The following PARD3B variants were observed in gnomAD, a reference collection of about 807,000 sequenced individuals.
PARD3B encodes the protein par-3 family cell polarity regulator beta.
PARD3B carries 103 observed loss-of-function variants against 130.2 expected under a neutral mutation model. That is an observed-to-expected ratio of 0.79 (90% CI 0.67 to 0.93). PARD3B has a LOEUF of 0.93. PARD3B is among the 40% of genes least tolerant of loss of function. PARD3B has a pLI of 0.00. For synonymous variants in PARD3B, 583 were observed against 553.2 expected, an observed-to-expected ratio of 1.05 and a Z score of -0.76; for missense variants, 1,609 against 1,499.2, an observed-to-expected ratio of 1.07 and a Z score of -1.21.
At chr2:205,380,246 ATATATAATATATAAAGAATATATAT>A (rs1299565134) in intron 18 of PARD3B, among the ~76,000 whole-genome samples, 987 of 47,484 alleles carry the variant, frequency 0.021, 150 homozygotes, top group African/African-American at 0.082. Context: ...AATATATATT[ATATATAATATATAAAGAATATATAT>A]TATATAATAT....
rs1156473277 is a variant in PARD3B at position 204,883,923 on chromosome 2, G to A, written c.223-81229G>A. ...CAGCTAATTTTTTGTGTTTTTAGTA[G>A]AGACGGGGTTTTACTATCTTGGTCA... On this transcript the variant is annotated intron_variant, in intron 2 of 22. Transcript: ENST00000406610. 2.6e-5 allele frequency among the ~76,000 whole-genome samples: 4 copies of A among 151,510 alleles called. No homozygotes were observed. In the East Asian group the frequency reaches 5.9e-4, roughly 22 times the overall value.
intron 2 of PARD3B, among the ~76,000 whole-genome samples, chr2:204,798,955 G>A (rs2042469725): frequency 6.6e-6 from 1 of 151,870 alleles, no homozygotes; most frequent in South Asian, 2.1e-4. Flanking sequence ...GCGCATTCCC[G>A]CCTTTCTTGG....
In PARD3B at chr2:204,869,280, A is replaced by G. The variant is rs559681044; in HGVS notation, c.223-95872A>G. Among the ~76,000 whole-genome samples, 211 of 152,248 alleles carry G rather than the reference A, an allele frequency of 1.4e-3. 1 individual carries two copies. The highest frequency in any genetic ancestry group is 3.4e-3 in the Middle Eastern group (1 of 294). The stretch of plus-strand genomic sequence containing the variant: ...TTGAAGAACATGTTAAAAGATTCAC[A>G]TTTAGAAATTCTGGAGTGGGGCCCA... On this transcript the variant is annotated intron_variant, in intron 2 of 22. Coordinates refer to ENST00000406610, the MANE Select transcript of PARD3B (RefSeq NM_001302769.2).
intron 21 of PARD3B, among the ~76,000 whole-genome samples, chr2:205,543,403 G>A (rs924492712): frequency 1.3e-5 from 2 of 152,166 alleles, no homozygotes; most frequent in Admixed American, 6.5e-5. Flanking sequence ...ATATGGCTAA[G>A]AAGACCACAA....
At chr2:205,529,999 A>G (rs755999141) in intron 21 of PARD3B, among the ~76,000 whole-genome samples, 6 of 152,282 alleles carry the variant, frequency 3.9e-5, no homozygotes, top group Non-Finnish European at 7.4e-5. Flanking sequence ...GAGAAACTAT[A>G]CCAACTGCCA....
rs1160280166 is a variant in PARD3B, at chr2:205,568,231, CATATG to C, written c.3260+14830_3260+14834del. Among the ~76,000 whole-genome samples, 1 of 152,180 alleles carries C rather than the reference CATATG, an allele frequency of 6.6e-6. No individual in the cohort carries two copies. Among genetic ancestry groups the C allele is most frequent in the South Asian group, 2.1e-4 (1 of 4,832 alleles). The stretch of plus-strand genomic sequence containing the variant: ...TGTGGTTGCCTTTCGTGAGAGAAAA[CATATG>C]AGATTAGTAAGATGCCCCAGACAAT... On this transcript the variant is annotated intron_variant, in intron 22 of 22. Transcript: ENST00000406610. The surrounding 1 kb of genome is among the most constrained non-coding windows in gnomAD (Gnocchi z 5.3).
In PARD3B at chr2:205,615,519, G is replaced by A. The variant is rs778555076; in HGVS notation, c.3324G>A (p.Arg1108=). 28 of 1,613,834 alleles carry A rather than the reference G, an allele frequency of 1.7e-5. 1 individual carries two copies. The South Asian group carries it at 2.7e-4, about 16-fold the overall frequency. ...PAAPRGLYKE[R]ELPYYPGAHP... ...CACCTCGGGGGCTCTACAAGGAAAG[G>A]GAGCTTCCCTATTATCCAGGGGCTC... The change falls in exon 23 of 23, where the codon AGG becomes AGA. Residue 1108 remains arginine, a synonymous_variant. Coordinates refer to ENST00000406610, the MANE Select transcript of PARD3B (RefSeq NM_001302769.2).
intron 2 of PARD3B, among the ~76,000 whole-genome samples, chr2:204,713,739 C>A (rs184366967): frequency 6.6e-6 from 1 of 151,994 alleles, no homozygotes; most frequent in Non-Finnish European, 1.5e-5. Context: ...GATTCTCCAC[C>A]CCCCTTTATA....
At chr2:205,004,258 T>A (rs2125290111) in intron 3 of PARD3B, among the ~76,000 whole-genome samples, 1 of 152,292 alleles carries the variant, frequency 6.6e-6, no homozygotes, top group South Asian at 2.1e-4. Flanking sequence ...ACTCAGTGCA[T>A]TGTCAGTGCA....
At chr2:204,554,898 A>C (rs1211379227) in intron 1 of PARD3B, among the ~76,000 whole-genome samples, 6 of 152,184 alleles carry the variant, frequency 3.9e-5, no homozygotes, top group Non-Finnish European at 8.8e-5. Context: ...CTGGAAAGTT[A>C]GATTTGTGGA....
At position 205,230,581 on chromosome 2, in the gene PARD3B, C is replaced by A. The variant is rs138895239; in HGVS notation, c.2141-15197C>A. Among the ~76,000 whole-genome samples, 1 of 152,146 alleles carries A rather than the reference C, an allele frequency of 6.6e-6. No homozygotes were observed. Among genetic ancestry groups the A allele is most frequent in the Non-Finnish European group, 1.5e-5 (1 of 68,022 alleles). On this transcript the variant is annotated intron_variant, in intron 15 of 22. Coordinates refer to ENST00000406610, the MANE Select transcript of PARD3B (RefSeq NM_001302769.2). This position sits in a 1 kb window ranked among gnomAD's most constrained non-coding sequence, Gnocchi z 4.1. ...CAGGAGTCTCTCCTGGAGCCGTGAG[C>A]TGCACTGCCTGGGGTTGGGGGAGGA...
chr2:205,254,760 GT>G (rs1236620775), intron 16 of PARD3B, among the ~76,000 whole-genome samples: 1 of 151,252 alleles, frequency 6.6e-6, no homozygotes. Flanking sequence ...GCCCCCCGGG[GT>G]TCACGCCATT....
intron 21 of PARD3B, among the ~76,000 whole-genome samples, chr2:205,549,853 T>TA (rs1490505907): frequency 6.6e-6 from 1 of 152,158 alleles, no homozygotes; most frequent in East Asian, 1.9e-4. Flanking sequence ...GGCATGCGGG[T>TA]AATGAAGGAG....
At chr2:205,083,796 AATATTTTAAACAT>A (rs1701580151) in intron 4 of PARD3B, among the ~76,000 whole-genome samples, 3 of 152,054 alleles carry the variant, frequency 2.0e-5, no homozygotes, top group Non-Finnish European at 4.4e-5. Context: ...TTTATGATTG[AATATTTTAAACAT>A]ACACAAAAAT....
chr2:205,181,614 G>A (rs2035793301), intron 13 of PARD3B, among the ~76,000 whole-genome samples: 1 of 152,212 alleles, frequency 6.6e-6, no homozygotes, highest in African/African-American at 2.4e-5. Flanking sequence ...AAAGGCAGGT[G>A]GCAAGCTGGT....
chr2:205,099,262 C>A (rs1034135496), intron 4 of PARD3B, among the ~76,000 whole-genome samples: 1 of 152,078 alleles, frequency 6.6e-6, no homozygotes, highest in Non-Finnish European at 1.5e-5. Context: ...CGTCCAAAAC[C>A]ATTATGTTTT....
At chr2:204,860,159 G>A (rs909385879) in intron 2 of PARD3B, among the ~76,000 whole-genome samples, 3 of 152,072 alleles carry the variant, frequency 2.0e-5, no homozygotes, top group African/African-American at 7.2e-5. Flanking sequence ...CTATAAAAAT[G>A]TGTTATATCA....
chr2:205,052,034 T>C (rs964090587), intron 4 of PARD3B, among the ~76,000 whole-genome samples: 1 of 151,990 alleles, frequency 6.6e-6, no homozygotes, highest in South Asian at 2.1e-4. Flanking sequence ...AGAGTCTGCT[T>C]GTGGGACTTC....
intron 2 of PARD3B, among the ~76,000 whole-genome samples, chr2:204,692,305 A>G (rs2037391116): frequency 6.6e-6 from 1 of 152,090 alleles, no homozygotes; most frequent in Non-Finnish European, 1.5e-5. Context: ...GGGCTAAAGG[A>G]AATTCCTTGC....
Sources: allele counts gnomAD v4.1 joint callset (sites outside exome capture counted in the v4.1 genomes callset), GRCh38; gene constraint gnomAD v4.1.1; non-coding constraint Gnocchi (gnomAD v3.1); transcripts MANE v1.5; gene names NCBI Gene and HGNC (gene_info 2026-07-23, HGNC 2026-07-21).